PCDH15: variants seen among roughly 807,000 people sequenced by gnomAD.
PCDH15 encodes the protein protocadherin related 15, also known as protocadherin-15.
Under a neutral mutation model 178.5 loss-of-function variants are expected in PCDH15, and 129 were observed. That is an observed-to-expected ratio of 0.72 (90% confidence interval 0.63 to 0.84). The LOEUF is 0.84. Ranked by LOEUF, PCDH15 falls within the 40% of genes least tolerant of loss-of-function variation. The pLI, the probability that PCDH15 is intolerant of heterozygous loss-of-function variation, is 0.00. For missense variants in PCDH15, 2,230 were observed against 2,099.9 expected (o/e 1.06, Z -1.21); for synonymous variants, 800 against 732.0 (o/e 1.09, Z -1.50).
At chr10:54,517,026 C>A (rs2082302654) in intron 3 of PCDH15, among the ~76,000 whole-genome samples, 1 of 151,994 alleles carries the variant, frequency 6.6e-6, no homozygotes, top group Non-Finnish European at 1.5e-5. Flanking sequence ...ATTTTGTCAC[C>A]ACCAGGCCTG....
intron 2 of PCDH15, among the ~76,000 whole-genome samples, chr10:55,444,441 G>A (rs985098789): frequency 2.6e-5 from 4 of 152,048 alleles, no homozygotes; most frequent in Non-Finnish European, 4.4e-5. Context: ...GGGATGGCCT[G>A]TTAATTTAAA....
intron 2 of PCDH15, among the ~76,000 whole-genome samples, chr10:55,609,367 T>C (rs1486569249): frequency 6.6e-6 from 1 of 152,138 alleles, no homozygotes; most frequent in Non-Finnish European, 1.5e-5. Flanking sequence ...TTGGTCTTTA[T>C]GTTCATAAAT....
intron 7 of PCDH15, among the ~76,000 whole-genome samples, chr10:54,320,341 C>T (rs12358060): frequency 0.45 from 68,757 of 151,774 alleles, 16,272 homozygotes; most frequent in Middle Eastern, 0.6. Flanking sequence ...TTAGAAGCCT[C>T]CTCCCTCTCA....
chr10:54,453,908 C>A (rs983475089), intron 3 of PCDH15, among the ~76,000 whole-genome samples: 2 of 151,936 alleles, frequency 1.3e-5, no homozygotes, highest in Non-Finnish European at 1.5e-5. Flanking sequence ...GAATACATTT[C>A]TGTTATTTTT....
At chr10:54,020,904 A>G (rs1293562543) in intron 19 of PCDH15, among the ~76,000 whole-genome samples, 1 of 152,086 alleles carries the variant, frequency 6.6e-6, no homozygotes, top group East Asian at 1.9e-4. Context: ...GAAAACTGAG[A>G]AAATATAAGT....
chr10:54,130,134 AGAGG>A (rs147498203), intron 15 of PCDH15, among the ~76,000 whole-genome samples: 2,346 of 152,210 alleles, frequency 0.015, 76 homozygotes, highest in African/African-American at 0.054. Flanking sequence ...AGACAGACAA[AGAGG>A]GAGGAAGCTG....
At chr10:54,464,363 AAAAT>A (rs1440461727) in intron 3 of PCDH15, among the ~76,000 whole-genome samples, 2 of 152,184 alleles carry the variant, frequency 1.3e-5, no homozygotes, top group African/African-American at 2.4e-5. Context: ...ATATAAATAT[AAAAT>A]AAATAAATGT....
At chr10:53,926,099 G>C (rs2084526866) in intron 25 of PCDH15, among the ~76,000 whole-genome samples, 1 of 152,100 alleles carries the variant, frequency 6.6e-6, no homozygotes, top group African/African-American at 2.4e-5. Context: ...CAGTCATCAA[G>C]TCCTACCAAC....
intron 8 of PCDH15, among the ~76,000 whole-genome samples, chr10:54,315,399 T>A (rs2061181932): frequency 6.6e-6 from 1 of 152,088 alleles, no homozygotes; most frequent in Non-Finnish European, 1.5e-5. Context: ...ATTCTTGTAA[T>A]TTTAAATTCC....
At chr10:54,250,128 G>A (rs1405768648) in intron 8 of PCDH15, among the ~76,000 whole-genome samples, 2 of 148,834 alleles carry the variant, frequency 1.3e-5, no homozygotes, top group Admixed American at 6.7e-5. Flanking sequence ...GGCTGGTCTC[G>A]AACTTCTGAG....
intron 2 of PCDH15, among the ~76,000 whole-genome samples, chr10:54,533,074 A>C (rs555995577): frequency 3.3e-5 from 5 of 152,144 alleles, no homozygotes; most frequent in Non-Finnish European, 7.4e-5. Flanking sequence ...TTTTTTGATT[A>C]ATCTTTCTTA....
chr10:54,326,711 A>G (rs1938193429), intron 7 of PCDH15, among the ~76,000 whole-genome samples: 1 of 152,122 alleles, frequency 6.6e-6, no homozygotes, highest in South Asian at 2.1e-4. Flanking sequence ...GCCTCTCTTG[A>G]ACATCATGAG....
At chr10:54,336,548 G>A (rs1358532580) in intron 6 of PCDH15, among the ~76,000 whole-genome samples, 2 of 152,172 alleles carry the variant, frequency 1.3e-5, no homozygotes, top group East Asian at 3.9e-4. Context: ...TTCAGAAGGT[G>A]CAAGCCCCAA....
At chr10:55,234,029 C>T (rs574796021) in intron 1 of PCDH15, among the ~76,000 whole-genome samples, 1 of 152,132 alleles carries the variant, frequency 6.6e-6, no homozygotes, top group South Asian at 2.1e-4. Flanking sequence ...AGCTATGTTG[C>T]GAAGAGGTGG....
chr10:54,575,559 A>G (rs1327563343), intron 2 of PCDH15, among the ~76,000 whole-genome samples: 2 of 152,126 alleles, frequency 1.3e-5, no homozygotes, highest in Non-Finnish European at 2.9e-5. Flanking sequence ...TTCCATCTAT[A>G]TCAGAATGAT....
chr10:54,876,115 C>A (rs1162814778), intron 3 of PCDH15, among the ~76,000 whole-genome samples: 1 of 152,072 alleles, frequency 6.6e-6, no homozygotes, highest in African/African-American at 2.4e-5. Flanking sequence ...TCCTAGGGCC[C>A]TTAAAAACTG....
chr10:55,537,766 T>C (rs1183439994), intron 2 of PCDH15, among the ~76,000 whole-genome samples: 2 of 152,156 alleles, frequency 1.3e-5, no homozygotes, highest in African/African-American at 4.8e-5. Flanking sequence ...GTTTTCTTTG[T>C]TGCTGATGTC....
intron 3 of PCDH15, among the ~76,000 whole-genome samples, chr10:54,896,329 C>G (rs1160170970): frequency 6.6e-6 from 1 of 152,098 alleles, no homozygotes; most frequent in Non-Finnish European, 1.5e-5. Context: ...TTGCCTCCTT[C>G]AAAAACTAGA....
At chr10:54,342,487 C>A (rs750516860) in intron 6 of PCDH15, among the ~76,000 whole-genome samples, 2 of 152,182 alleles carry the variant, frequency 1.3e-5, no homozygotes, top group East Asian at 3.9e-4. Flanking sequence ...TGTGAAAATG[C>A]CAGCATGTCC....
Sources: gnomAD v4.1 joint callset for allele counts (sites outside exome capture counted in the v4.1 genomes callset) on GRCh38, gnomAD v4.1.1 for gene constraint, MANE v1.5 for transcripts, NCBI Gene and HGNC (gene_info 2026-07-23, HGNC 2026-07-21) for gene names.